The following ALX4 variants were observed in gnomAD, a reference collection of about 807,000 sequenced individuals.
The protein encoded by ALX4 is homeobox protein aristaless-like 4.
Under a neutral mutation model 40.6 loss-of-function variants are expected in ALX4, and 22 were observed. The ratio of observed to expected loss-of-function variants is 0.54; its 90% CI spans 0.39 to 0.77. The LOEUF (loss-of-function observed/expected upper bound fraction) is 0.77. ALX4 is among the 30% of genes least tolerant of loss of function. ALX4 has a pLI of 0.00. For synonymous variants in ALX4, 266 were observed against 240.5 expected, an observed-to-expected ratio of 1.11 and a Z score of -0.98; for missense variants, 556 against 564.8, an observed-to-expected ratio of 0.98 and a Z score of 0.16.
chr11:44,270,853 C>G (rs546385943), intron 2 of ALX4, among the ~76,000 whole-genome samples: 2 of 152,248 alleles, frequency 1.3e-5, no homozygotes, highest in Non-Finnish European at 2.9e-5. Context: ...GCGGAGGCCT[C>G]GCTAACCGCA....
At position 44,264,779 on chromosome 11, in the gene ALX4, T is replaced by C; in HGVS notation, c.*75A>G. On this transcript the variant is annotated 3_prime_UTR_variant, in exon 4 of 4. Transcript: ENST00000652299. ...CCAGGTTCCTAAGAGGAAAGTCGAG[T>C]GGGAGGCTGGGGGCCTGGAAAACAT... 1 of 1,539,726 alleles carries C rather than the reference T, an allele frequency of 6.5e-7. No homozygotes were observed. Among genetic ancestry groups the C allele is most frequent in the Non-Finnish European group, 8.9e-7 (1 of 1,129,828 alleles).
intron 1 of ALX4, among the ~76,000 whole-genome samples, chr11:44,279,235 T>C (rs1956295115): frequency 6.6e-6 from 1 of 152,140 alleles, no homozygotes; most frequent in Non-Finnish European, 1.5e-5. Context: ...GTTCACTGAT[T>C]CCAGTTCTAA....
At chr11:44,266,646 C>T (rs554945303) in intron 3 of ALX4, among the ~76,000 whole-genome samples, 14 of 152,274 alleles carry the variant, frequency 9.2e-5, no homozygotes, top group African/African-American at 3.4e-4. Context: ...AGGTGGAGGC[C>T]ATGCCAGAAT....
chr11:44,287,538 G>A (rs549838760), intron 1 of ALX4, among the ~76,000 whole-genome samples: 10 of 150,590 alleles, frequency 6.6e-5, no homozygotes, highest in Middle Eastern at 6.8e-3. Flanking sequence ...CGAGGTGGGA[G>A]AGTCACTTGA....
chr11:44,268,936 A>G (rs1956229131), intron 2 of ALX4, among the ~76,000 whole-genome samples: 1 of 152,246 alleles, frequency 6.6e-6, no homozygotes. Flanking sequence ...GCAGAGCCAT[A>G]AGGAGCCTTG....
rs559427156 is a variant in ALX4, at chr11:44,310,056, C to T, written c.7G>A (p.Ala3Thr). 5.0e-6 allele frequency: 8 copies of T among 1,592,394 alleles called. No individual in the cohort carries two copies. Among genetic ancestry groups the T allele is most frequent in the Non-Finnish European group, 6.0e-6 (7 of 1,168,794 alleles). The change falls in exon 1 of 4, where the codon GCT becomes ACT. Residue 3 changes from alanine (A) to threonine (T), a missense_variant. Transcript: ENST00000652299. ...TCGCAGTAAGAGACGCAAGTCTCAG[C>T]ATTCATGCCTGGCTTGCGCAGGCGG... MNAETCVSYCESP... is the reference protein window; with the variant it reads MNTETCVSYCESP...
intron 1 of ALX4, among the ~76,000 whole-genome samples, chr11:44,304,047 C>T (rs974471243): frequency 2.6e-5 from 4 of 152,232 alleles, no homozygotes. Flanking sequence ...GTGCCTCCTC[C>T]TTCCAGCAAA....
chr11:44,309,454 C>G, intron 1 of ALX4, 143 bp downstream of exon 1: 1 of 1,444,348 alleles, frequency 6.9e-7, no homozygotes, highest in South Asian at 1.4e-5. Context: ...TCCCTCGCAG[C>G]GATCGATCCC....
rs529533309 is a variant in ALX4 at position 44,303,102 on chromosome 11, A to T, written c.466+6495T>A. Among the ~76,000 whole-genome samples the T allele has an allele frequency of 6.6e-4, 101 of 152,270 alleles. 1 individual carries two copies. The highest frequency in any genetic ancestry group is 2.1e-3 in the African/African-American group (88 of 41,560). Reference sequence around the variant, plus strand: ...GCGCTGGACATCAGTGTCATGGTCCAAACCTCCCACAGCTTCCCAGCCTTC... The same window carrying T: ...GCGCTGGACATCAGTGTCATGGTCCTAACCTCCCACAGCTTCCCAGCCTTC... On this transcript the variant is annotated intron_variant, in intron 1 of 3. Transcript: ENST00000652299.
intron 1 of ALX4, among the ~76,000 whole-genome samples, chr11:44,286,444 C>G (rs2119839178): frequency 6.6e-6 from 1 of 152,316 alleles, no homozygotes. Context: ...CAGGGCCCAA[C>G]TCCCAGCAGG....
intron 1 of ALX4, among the ~76,000 whole-genome samples, chr11:44,303,463 G>A (rs1956447049): frequency 6.6e-6 from 1 of 151,958 alleles, no homozygotes; most frequent in Non-Finnish European, 1.5e-5. Flanking sequence ...TCACCAAAAC[G>A]GCACCCTGGG....
At chr11:44,299,598 G>A (rs1486019773) in intron 1 of ALX4, among the ~76,000 whole-genome samples, 1 of 152,130 alleles carries the variant, frequency 6.6e-6, no homozygotes, top group African/African-American at 2.4e-5. Context: ...CTGACTTTGT[G>A]ATCCGCCCGC....
At position 44,309,826 on chromosome 11, in the gene ALX4, A is replaced by G; in HGVS notation, c.237T>C (p.Ser79=). Residue 79 remains serine, a synonymous_variant, in exon 1 of 4, where the codon AGT becomes AGC. Coordinates refer to ENST00000652299, the MANE Select transcript of ALX4 (RefSeq NM_021926.4). ...TAAAGGAGCCCCGCGCCCCAGCTCC[A>G]CTCTCCAGGGGTGTCGCCAGGTCCT... ...GQQDLATPLE[S]GAGARGSFNK... The G allele has an allele frequency of 6.4e-7, 1 of 1,553,892 alleles. No individual in the cohort carries two copies. The highest frequency in any genetic ancestry group is 2.4e-5 in the East Asian group (1 of 41,102).
intron 2 of ALX4, among the ~76,000 whole-genome samples, chr11:44,267,994 C>T (rs955598572): frequency 6.6e-6 from 1 of 152,230 alleles, no homozygotes; most frequent in African/African-American, 2.4e-5. Context: ...ACAAATGCTC[C>T]TCCAGATGTG....
At chr11:44,268,630 A>T (rs1373722637) in intron 2 of ALX4, among the ~76,000 whole-genome samples, 1 of 152,110 alleles carries the variant, frequency 6.6e-6, no homozygotes, top group Non-Finnish European at 1.5e-5. Context: ...GAAGGCTGAG[A>T]ACTTTCCCAA....
At position 44,264,898 on chromosome 11, in the gene ALX4, T is replaced by G; in HGVS notation, c.1192A>C (p.Met398Leu). ...RKTSSIAALR[M>L]KAKEHSAAIS... ...GCCGCACTGTGCTCCTTGGCCTTCA[T>G]GCGGAGGGCCGCGATGCTCGAGGTC... Residue 398 changes from methionine (M) to leucine (L), a missense_variant, in exon 4 of 4, where the codon ATG becomes CTG. By Grantham distance (15) the Met-to-Leu change is conservative (BLOSUM62 2). Transcript: ENST00000652299. 6.2e-7 allele frequency: 1 copy of G among 1,613,044 alleles called. No homozygotes were observed. Among genetic ancestry groups the G allele is most frequent in the Non-Finnish European group, 8.5e-7 (1 of 1,179,928 alleles).
At chr11:44,306,321 C>A (rs1010355126) in intron 1 of ALX4, among the ~76,000 whole-genome samples, 4 of 152,232 alleles carry the variant, frequency 2.6e-5, no homozygotes, top group African/African-American at 9.6e-5. Context: ...ACTCTTTCCG[C>A]AACCCGGTCC....
chr11:44,285,538 G>A (rs969309782), intron 1 of ALX4, among the ~76,000 whole-genome samples: 1 of 152,174 alleles, frequency 6.6e-6, no homozygotes, highest in African/African-American at 2.4e-5. Flanking sequence ...GAGGGTCTCT[G>A]AGAAACACGG....
chr11:44,275,264 G>A lies in ALX4; in HGVS notation c.777+84C>T, dbSNP rs559809572. ...AGGAAAGCCATGGTGTGGTTGGTGG[G>A]CAGTCAGGAGACCCCAACTGCAGCC... On this transcript the variant is annotated intron_variant, in intron 2 of 3. Coordinates refer to ENST00000652299, the MANE Select transcript of ALX4 (RefSeq NM_021926.4). 2.0e-4 allele frequency: 282 copies of A among 1,401,264 alleles called. No individual in the cohort carries two copies. In the African/African-American group the frequency reaches 2.7e-3, roughly 13 times the overall value. The allele number at this position is 1,401,264 out of a possible 1,614,324, so 86.8% of individuals were successfully genotyped here.
Sources: gnomAD v4.1 joint callset for allele counts (sites outside exome capture counted in the v4.1 genomes callset) on GRCh38, gnomAD v4.1.1 for gene constraint, MANE v1.5 for transcripts, NCBI Gene and HGNC (gene_info 2026-07-23, HGNC 2026-07-21) for gene names.